The following KAZN variants were observed in gnomAD, a reference collection of about 807,000 sequenced individuals.
KAZN encodes the protein kazrin, periplakin interacting protein.
KAZN carries 40 observed loss-of-function variants against 87.4 expected under a neutral mutation model. The ratio of observed to expected loss-of-function variants is 0.46; its 90% confidence interval spans 0.36 to 0.60. KAZN has a LOEUF of 0.60. Among genes scored for constraint, KAZN ranks in the 20% least tolerant of loss-of-function variants. The probability of loss-of-function intolerance (pLI) is 0.00; values close to 1 mark genes in which losing one functional copy is unlikely to be tolerated. For synonymous variants in KAZN, 466 were observed against 458.3 expected (o/e 1.02, Z -0.22); for missense variants, 898 against 1,073.9 (o/e 0.84, Z 2.29).
chr1:14,434,979 T>C (rs996543062), intron 2 of KAZN, among the ~76,000 whole-genome samples: 1 of 152,118 alleles, frequency 6.6e-6, no homozygotes, highest in African/African-American at 2.4e-5. Flanking sequence ...GACGCAGGTG[T>C]GTACGAGGCT....
chr1:14,342,395 C>A (rs1161289722), intron 2 of KAZN, among the ~76,000 whole-genome samples: 1 of 152,102 alleles, frequency 6.6e-6, no homozygotes, highest in African/African-American at 2.4e-5. Flanking sequence ...ATTTTTAGGC[C>A]TTTGAGGAAC....
intron 2 of KAZN, among the ~76,000 whole-genome samples, chr1:14,423,881 T>A (rs1665569223): frequency 6.6e-6 from 1 of 152,266 alleles, no homozygotes; most frequent in Admixed American, 6.5e-5. Context: ...GCTGGGACCG[T>A]CCACATCAGC....
Position 15,094,917 on chromosome 1 carries a change from G to T in KAZN, c.1531G>T (p.Ala511Ser). The T allele has an allele frequency of 6.5e-7, 1 of 1,549,888 alleles. No homozygotes were observed. Among genetic ancestry groups the T allele is most frequent in the South Asian group, 1.2e-5 (1 of 84,016 alleles). Residue 511 changes from alanine to serine, a missense_variant, in exon 10 of 15, where the codon GCC becomes TCC. By Grantham distance (99) the Ala-to-Ser change is moderately conservative (BLOSUM62 1). Transcript: ENST00000376030. This position sits in a 1 kb window ranked among gnomAD's most constrained non-coding sequence, Gnocchi z 4.5. ...CCTGGCCATCGAGGACTACCGTGATGCCGAGGCAGGCCGCAGGTGAGCCCA... is the reference window on the plus strand; with the variant it reads ...CCTGGCCATCGAGGACTACCGTGATTCCGAGGCAGGCCGCAGGTGAGCCCA... ...LRLAIEDYRDAEAGRSLSKAA... is the reference protein window; with the variant it reads ...LRLAIEDYRDSEAGRSLSKAA...
chr1:14,622,968 G>A (rs985778473), intron 1 of KAZN, among the ~76,000 whole-genome samples: 5 of 151,702 alleles, frequency 3.3e-5, no homozygotes, highest in Admixed American at 6.6e-5. Flanking sequence ...ATAACAGATG[G>A]CAAGGTTGTG....
chr1:14,070,167 C>CAAAAAAAA lies in KAZN; in HGVS notation c.92-110262_92-110255dup, dbSNP rs61327562. Among the ~76,000 whole-genome samples the CAAAAAAAA allele has an allele frequency of 1.9e-3, 142 of 72,892 alleles. 1 individual carries two copies. The highest frequency in any genetic ancestry group is 7.9e-3 in the African/African-American group (133 of 16,836). 47.8% of individuals were successfully genotyped at this position (72,892 alleles called of 152,430 possible). ...TTGGCGACAGTGCGAGACTCCATCT[C>CAAAAAAAA]AAAAAAAAAAAAAGTAAATAAATAA... On this transcript the variant is annotated intron_variant, in intron 1 of 16. Coordinates refer to the KAZN transcript ENST00000636203.
intron 2 of KAZN, among the ~76,000 whole-genome samples, chr1:14,261,360 T>C (rs1205645948): frequency 6.6e-6 from 1 of 152,218 alleles, no homozygotes; most frequent in Admixed American, 6.5e-5. Context: ...GCTCTGATCA[T>C]CGCCATCAAT....
chr1:14,236,511 A>G (rs1648435770), intron 2 of KAZN, among the ~76,000 whole-genome samples: 1 of 152,140 alleles, frequency 6.6e-6, no homozygotes, highest in African/African-American at 2.4e-5. Context: ...AGGCTACTTC[A>G]TGCACTGACC....
intron 2 of KAZN, among the ~76,000 whole-genome samples, chr1:14,478,249 AGAAG>A (rs141017159): frequency 1.9e-3 from 196 of 101,506 alleles, no homozygotes; most frequent in African/African-American, 5.0e-3. Flanking sequence ...AGGAAGGAAA[AGAAG>A]GAAGGAAGGA....
At chr1:14,069,413 C>A (rs1643154389) in intron 1 of KAZN, among the ~76,000 whole-genome samples, 1 of 152,206 alleles carries the variant, frequency 6.6e-6, no homozygotes, top group South Asian at 2.1e-4. Flanking sequence ...GGATTTCATG[C>A]ACTGTGCGCT....
At chr1:13,926,978 C>T (rs1169798392) in intron 1 of KAZN, among the ~76,000 whole-genome samples, 1 of 152,152 alleles carries the variant, frequency 6.6e-6, no homozygotes, top group Non-Finnish European at 1.5e-5. Context: ...TCGTAAAGTG[C>T]CTAAAATCCC....
intron 1 of KAZN, among the ~76,000 whole-genome samples, chr1:14,859,571 AC>A (rs1252506210): frequency 6.6e-6 from 1 of 152,110 alleles, no homozygotes; most frequent in Admixed American, 6.6e-5. Flanking sequence ...GCTTAATTTA[AC>A]CCTGATCTGA....
At chr1:14,632,569 C>CTTT (rs36056434) in intron 1 of KAZN, among the ~76,000 whole-genome samples, 152 of 131,162 alleles carry the variant, frequency 1.2e-3, no homozygotes, top group African/African-American at 4.0e-3. Context: ...TTCTTTTGGG[C>CTTT]TTTTTTTTTT....
At chr1:14,924,901 C>T (rs192172912) in intron 1 of KAZN, among the ~76,000 whole-genome samples, 22 of 152,310 alleles carry the variant, frequency 1.4e-4, no homozygotes, top group Non-Finnish European at 8.8e-5. Context: ...AAGGGGCCAG[C>T]CCTGCGCGAA....
intron 2 of KAZN, among the ~76,000 whole-genome samples, chr1:14,485,435 C>T (rs1039832400): frequency 6.6e-6 from 1 of 152,120 alleles, no homozygotes; most frequent in African/African-American, 2.4e-5. Context: ...TACAACAGGG[C>T]CAGGGGCAAA....
intron 2 of KAZN, among the ~76,000 whole-genome samples, chr1:14,323,269 C>G (rs547954470): frequency 6.6e-6 from 1 of 151,996 alleles, no homozygotes; most frequent in Non-Finnish European, 1.5e-5. Context: ...CATGGCCAAT[C>G]AAGCCACGTG....
At chr1:14,362,333 T>G (rs1438483717) in intron 2 of KAZN, among the ~76,000 whole-genome samples, 1 of 152,252 alleles carries the variant, frequency 6.6e-6, no homozygotes, top group African/African-American at 2.4e-5. Context: ...GTTTTTGTGA[T>G]ACGGCCTTCT....
At chr1:15,053,643 C>A (rs1341686309) in intron 4 of KAZN, among the ~76,000 whole-genome samples, 1 of 152,184 alleles carries the variant, frequency 6.6e-6, no homozygotes, top group African/African-American at 2.4e-5. Flanking sequence ...CAGTCAGACA[C>A]CAGGGTTTGG....
At chr1:15,107,935 T>G (rs1475698192) in intron 13 of KAZN, among the ~76,000 whole-genome samples, 2 of 152,188 alleles carry the variant, frequency 1.3e-5, no homozygotes, top group East Asian at 3.9e-4. Context: ...GCTTGATACA[T>G]AGATGCCCGG....
intron 2 of KAZN, among the ~76,000 whole-genome samples, chr1:14,406,066 T>C (rs1030017186): frequency 1.3e-5 from 2 of 152,148 alleles, no homozygotes; most frequent in African/African-American, 4.8e-5. Context: ...CAACAATAAC[T>C]TCATTGTACA....
Sources: gnomAD v4.1 joint callset for allele counts (sites outside exome capture counted in the v4.1 genomes callset) on GRCh38, gnomAD v4.1.1 for gene constraint, Gnocchi (gnomAD v3.1) non-coding constraint, MANE v1.5 for transcripts, NCBI Gene and HGNC (gene_info 2026-07-23, HGNC 2026-07-21) for gene names.